The following ZNF675 variants were observed in gnomAD, a reference collection of about 807,000 sequenced individuals.
ZNF675 encodes the protein TRAF6 inhibitory zinc finger.
A neutral mutation model predicts 56.1 loss-of-function variants in ZNF675; 36 were observed. That is an observed-to-expected ratio of 0.64 (90% CI 0.49 to 0.85). The LOEUF (loss-of-function observed/expected upper bound fraction) is 0.85, where lower values mean the gene tolerates loss of function less well. Ranked by LOEUF, ZNF675 falls within the 40% of genes least tolerant of loss-of-function variation. ZNF675 has a pLI of 0.00. For missense variants in ZNF675, 663 were observed against 654.2 expected, an observed-to-expected ratio of 1.01 and a Z score of -0.15; for synonymous variants, 200 against 218.9, an observed-to-expected ratio of 0.91 and a Z score of 0.76.
chr19:23,655,042 T>C (rs996602604), intron 3 of ZNF675: 2 of 171,546 alleles, frequency 1.2e-5, no homozygotes, highest in Non-Finnish European at 2.5e-5. Flanking sequence ...AAGACCAGCC[T>C]GGCCAACATA....
At chr19:23,666,252 TGA>T (rs903291159) in intron 1 of ZNF675, among the ~76,000 whole-genome samples, 2 of 152,276 alleles carry the variant, frequency 1.3e-5, no homozygotes, top group African/African-American at 4.8e-5. Flanking sequence ...GATTGTGGGC[TGA>T]GTCTCTATTT....
rs1282498511 is a variant in ZNF675, at chr19:23,658,964, G to GATACCGATCT, written c.226+3149_226+3150insAGATCGGTAT. 7.3e-3 allele frequency among the ~76,000 whole-genome samples: 64 copies of GATACCGATCT among 8,754 alleles called. No homozygotes were observed. In the Non-Finnish European group the frequency reaches 0.17, roughly 23 times the overall value. The allele number at this position is 8,754 out of a possible 152,430, so 5.7% of individuals were successfully genotyped here. A position where few individuals can be genotyped will look rare whatever the true frequency, so the allele number is the denominator to read the frequency against. On this transcript the variant is annotated intron_variant, in intron 3 of 3. Coordinates refer to ENST00000359788, the MANE Select transcript of ZNF675 (RefSeq NM_138330.3). ...AGATATAGATCTCTAGAGATCTATAGATAGATATAGATCTAGAGATAGAGA... is the reference window on the plus strand; with the variant it reads ...AGATATAGATCTCTAGAGATCTATAGATACCGATCTATAGATATAGATCTAGAGATAGAGA...
At position 23,662,469 on chromosome 19, in the gene ZNF675, A is replaced by G. The variant is rs531456347; in HGVS notation, c.131-260T>C. On this transcript the variant is annotated intron_variant, in intron 2 of 3. Transcript: ENST00000359788. The stretch of plus-strand genomic sequence containing the variant: ...GTGGGCAACAATATTTTATGCCACT[A>G]AACTTCTGAAATTACCACTAGAGTG... 2.6e-5 allele frequency among the ~76,000 whole-genome samples: 4 copies of G among 152,336 alleles called. No individual in the cohort carries two copies. In the South Asian group the frequency reaches 8.3e-4, roughly 32 times the overall value.
intron 3 of ZNF675, among the ~76,000 whole-genome samples, chr19:23,659,320 A>T (rs781767017): frequency 6.6e-6 from 1 of 152,148 alleles, no homozygotes; most frequent in Middle Eastern, 3.2e-3. Flanking sequence ...GTATAGCAGG[A>T]GTGAAATTGG....
At chr19:23,662,939 G>A (rs1484052703) in intron 2 of ZNF675, 93 bp downstream of exon 2, 12 of 1,219,980 alleles carry the variant, frequency 9.8e-6, no homozygotes, top group Admixed American at 5.6e-5. Context: ...AGCCAAGATC[G>A]CACCACTGCA....
Position 23,654,628 on chromosome 19 carries a change from CTTCT to C in ZNF675, c.301_304del (p.Arg101AspfsTer12). On this transcript the variant is annotated frameshift_variant, in exon 4 of 4. Transcript: ENST00000359788. LOFTEE classifies it high-confidence loss of function. ...ATTATCATTTCCACATTTTTCATAT[CTTCT>C]CAGTGTCACTTTTTCAAAAGAATCT... 25 of 1,607,580 alleles carry C rather than the reference CTTCT, an allele frequency of 1.6e-5. No homozygotes were observed. The highest frequency in any genetic ancestry group is 2.1e-5 in the Non-Finnish European group (25 of 1,177,446).
chr19:23,662,345 T>G lies in ZNF675; in HGVS notation c.131-136A>C, dbSNP rs1054455149. The G allele has an allele frequency of 1.3e-5, 7 of 558,408 alleles. No homozygotes were observed. The African/African-American group carries it at 1.4e-4, about 11-fold the overall frequency. The allele number at this position is 558,408 out of a possible 1,614,324, so 34.6% of individuals were successfully genotyped here. A position where few individuals can be genotyped will look rare whatever the true frequency, so the allele number is the denominator to read the frequency against. On this transcript the variant is annotated intron_variant, in intron 2 of 3. Transcript: ENST00000359788. The stretch of plus-strand genomic sequence containing the variant: ...CAAAATACTGACTTATAACAGAAAT[T>G]TTTAAATACTTAGAAAATATTCTAA...
intron 1 of ZNF675, among the ~76,000 whole-genome samples, chr19:23,673,318 AC>A (rs1968249606): frequency 1.3e-5 from 2 of 150,248 alleles, no homozygotes; most frequent in Non-Finnish European, 1.5e-5. Flanking sequence ...CTCAATGCAC[AC>A]CTGTTACTCT....
intron 1 of ZNF675, among the ~76,000 whole-genome samples, chr19:23,679,339 A>C (rs1485234804): frequency 2.0e-5 from 3 of 151,726 alleles, no homozygotes; most frequent in Non-Finnish European, 4.4e-5. Context: ...AGCACTATGT[A>C]CAAGGCTAAC....
At chr19:23,680,005 A>AC in intron 1 of ZNF675, among the ~76,000 whole-genome samples, 1 of 150,828 alleles carries the variant, frequency 6.6e-6, no homozygotes, top group African/African-American at 2.5e-5. Context: ...CCCAAAAAAA[A>AC]ACATTAATAA....
chr19:23,679,956 C>T (rs2144797423), intron 1 of ZNF675, among the ~76,000 whole-genome samples: 1 of 151,010 alleles, frequency 6.6e-6, no homozygotes, highest in Non-Finnish European at 1.5e-5. Flanking sequence ...CACCACTGCA[C>T]TCCAGCCTGG....
intron 3 of ZNF675, 52 bp downstream of exon 3, chr19:23,662,062 T>C: frequency 1.5e-6 from 2 of 1,329,850 alleles, no homozygotes; most frequent in Non-Finnish European, 2.2e-6. Flanking sequence ...CTCTTTGACC[T>C]TTGGACCTCT....
intron 3 of ZNF675, among the ~76,000 whole-genome samples, chr19:23,659,055 C>T (rs9676852): frequency 0.97 from 145,789 of 150,096 alleles, 70,964 homozygotes; most frequent in Middle Eastern, 1. Flanking sequence ...ATGGTTAGAG[C>T]GCCTGATATA....
intron 3 of ZNF675, among the ~76,000 whole-genome samples, chr19:23,661,104 T>C (rs1968071038): frequency 6.6e-6 from 1 of 152,088 alleles, no homozygotes; most frequent in African/African-American, 2.4e-5. Context: ...TAATTTTTTG[T>C]ATTTTTAGTA....
intron 3 of ZNF675, among the ~76,000 whole-genome samples, chr19:23,661,160 C>A (rs759963102): frequency 1.7e-4 from 26 of 151,856 alleles, no homozygotes; most frequent in Non-Finnish European, 3.4e-4. Context: ...ACTGCTGAAT[C>A]AAAAGAAAGA....
rs778440683 is a variant in ZNF675, at chr19:23,653,468, A to G, written c.1465T>C (p.Phe489Leu). Residue 489 changes from phenylalanine (F) to leucine (L), a missense_variant, in exon 4 of 4, where the codon TTT (phenylalanine) becomes CTT (leucine). By Grantham distance (22) the Phe-to-Leu change is conservative (BLOSUM62 0). Around this residue, in one of 3 missense-constraint regions of ZNF675, gnomAD observed 617 missense variants for 590.5 expected, o/e 1.04. Coordinates refer to ENST00000359788, the MANE Select transcript of ZNF675 (RefSeq NM_138330.3). ...GTAGTAAGGGATGAGGAGTGTTTAA[A>G]AGCTTTGCCACATTCTTCACACTTG... ...PYKCEECGKA[F>L]KHSSSLTTHK... The G allele has an allele frequency of 1.2e-6, 2 of 1,612,792 alleles. No individual in the cohort carries two copies. The highest frequency in any genetic ancestry group is 1.7e-6 in the Non-Finnish European group (2 of 1,179,852).
intron 1 of ZNF675, among the ~76,000 whole-genome samples, chr19:23,666,393 C>G (rs1968151116): frequency 6.6e-6 from 1 of 152,210 alleles, no homozygotes. Flanking sequence ...CTTCCTGCAA[C>G]TAATCAGAGC....
At chr19:23,661,480 C>T (rs949260876) in intron 3 of ZNF675, among the ~76,000 whole-genome samples, 1 of 151,688 alleles carries the variant, frequency 6.6e-6, no homozygotes, top group Non-Finnish European at 1.5e-5. Flanking sequence ...GACCTGAGGG[C>T]AGGAGTTTGA....
chr19:23,680,793 A>G (rs2144798329), intron 1 of ZNF675, among the ~76,000 whole-genome samples: 1 of 151,790 alleles, frequency 6.6e-6, no homozygotes, highest in East Asian at 1.9e-4. Context: ...AGAGCTAAAT[A>G]ATAAGAACAC....
Sources: allele counts gnomAD v4.1 joint callset (sites outside exome capture counted in the v4.1 genomes callset), GRCh38; gene constraint gnomAD v4.1.1; regional missense constraint gnomAD v4.1.1; transcripts MANE v1.5; gene names NCBI Gene and HGNC (gene_info 2026-07-23, HGNC 2026-07-21).